The following TPO variants were observed in gnomAD, a reference collection of about 807,000 sequenced individuals.
TPO encodes thyroid microsomal antigen.
In TPO, 78 loss-of-function variants were observed where a neutral mutation model predicts 96.9. That is an observed-to-expected ratio of 0.81 (90% confidence interval 0.67 to 0.97). The LOEUF (loss-of-function observed/expected upper bound fraction) is 0.97. Ranked by LOEUF, TPO falls within the 50% of genes least tolerant of loss-of-function variation. The probability of loss-of-function intolerance (pLI) is 0.00; values close to 1 mark genes in which losing one functional copy is unlikely to be tolerated. For missense variants in TPO, 1,252 were observed against 1,274.8 expected (o/e 0.98, Z 0.27); for synonymous variants, 547 against 538.0 (o/e 1.02, Z -0.23).
chr2:1,477,000 G>T (rs867267299), intron 7 of TPO, 86 bp from the exon 8 acceptor site: 4 of 1,487,096 alleles, frequency 2.7e-6, no homozygotes, highest in African/African-American at 1.4e-5. Flanking sequence ...GCGGCGCTGC[G>T]GGGTCGTCGC....
intron 15 of TPO, among the ~76,000 whole-genome samples, chr2:1,531,395 G>C (rs1181101456): frequency 0.083 from 1,372 of 16,528 alleles, 115 homozygotes; most frequent in African/African-American, 0.089. Flanking sequence ...TCCCAAAATT[G>C]CCCCCACTGT....
At position 1,540,597 on chromosome 2, in the gene TPO, A is replaced by ACGCACTGGCACTAAATC; in HGVS notation, c.2624_2640dup (p.Thr881AlafsTer20). 6.2e-7 allele frequency: 1 copy of ACGCACTGGCACTAAATC among 1,613,380 alleles called. No homozygotes were observed. Among genetic ancestry groups the ACGCACTGGCACTAAATC allele is most frequent in the Non-Finnish European group, 8.5e-7 (1 of 1,180,006 alleles). On this transcript the variant is annotated frameshift_variant, in exon 16 of 17. Transcript: ENST00000329066. LOFTEE classifies it high-confidence loss of function. ...ACTGGACACGTGTCTCCCACAGGAC[A>ACGCACTGGCACTAAATC]CGCACTGGCACTAAATCCACACTGC... is the stretch of plus-strand genomic sequence containing the variant.
Position 1,494,003 on chromosome 2 carries a change from T to C in TPO, c.1970T>C (p.Ile657Thr), listed in dbSNP as rs772340870. The C allele has an allele frequency of 8.7e-6, 14 of 1,613,994 alleles. No homozygotes were observed. The highest frequency in any genetic ancestry group is 6.7e-5 in the Admixed American group (4 of 60,006). ...ACAGGGCCCCTGTTTGCCTGTCTCA[T>C]TGGGAAGCAGATGAAGGCTCTGCGG... Reference protein sequence around the residue: ...ARTGPLFACLIGKQMKALRDG... With the variant: ...ARTGPLFACLTGKQMKALRDG... Residue 657 changes from isoleucine (I) to threonine (T), a missense_variant, in exon 11 of 17, where the codon ATT (isoleucine) becomes ACT (threonine). Transcript: ENST00000329066.
At position 1,470,753 on chromosome 2, in the gene TPO, C is replaced by G. The variant is rs116334802; in HGVS notation, c.820-6333C>G. 5.4e-3 allele frequency among the ~76,000 whole-genome samples: 817 copies of G among 152,244 alleles called. 14 individuals carry two copies. The highest frequency in any genetic ancestry group is 0.018 in the African/African-American group (754 of 41,546). On this transcript the variant is annotated intron_variant, in intron 7 of 16. Coordinates refer to ENST00000329066, the MANE Select transcript of TPO (RefSeq NM_001206744.2). Reference sequence around the variant, plus strand: ...CACATACTGTGTCTACTAGGAATTTCTGCTAGACAACTTCAGTTAGAAATT... The same window carrying G: ...CACATACTGTGTCTACTAGGAATTTGTGCTAGACAACTTCAGTTAGAAATT...
intron 5 of TPO, chr2:1,438,779 A>ATTTT (rs3036132): frequency 3.0e-6 from 2 of 667,970 alleles, no homozygotes; most frequent in African/African-American, 1.9e-5. Flanking sequence ...TTAACTGGAG[A>ATTTT]TTTTTTTTTT....
intron 1 of TPO, among the ~76,000 whole-genome samples, chr2:1,382,271 CAG>C (rs987123292): frequency 1.3e-5 from 2 of 152,164 alleles, no homozygotes; most frequent in African/African-American, 4.8e-5. Context: ...AATGACAACA[CAG>C]ATATTCCTGG....
intron 1 of TPO, among the ~76,000 whole-genome samples, chr2:1,387,072 A>G (rs1195295643): frequency 6.6e-6 from 1 of 152,216 alleles, no homozygotes; most frequent in Non-Finnish European, 1.5e-5. Context: ...AGTTTCTGCC[A>G]AGAGATCAGC....
upstream of TPO, among the ~76,000 whole-genome samples, chr2:1,411,162 C>T (rs557567795): frequency 3.3e-5 from 5 of 152,304 alleles, no homozygotes; most frequent in South Asian, 6.2e-4. Context: ...CCCCTCTCAA[C>T]ATTTCCAGTG....
chr2:1,516,554 A>G (rs1674732495), intron 14 of TPO, among the ~76,000 whole-genome samples: 2 of 152,208 alleles, frequency 1.3e-5, no homozygotes, highest in Non-Finnish European at 2.9e-5. Flanking sequence ...CTCCGAGGGC[A>G]CTGAGAGCCC....
intron 7 of TPO, among the ~76,000 whole-genome samples, chr2:1,469,848 C>A (rs776334594): frequency 6.6e-6 from 1 of 152,202 alleles, no homozygotes; most frequent in African/African-American, 2.4e-5. Context: ...CATCCGCTTT[C>A]TTCAGAGGGT....
chr2:1,411,733 C>T (rs1366727140), upstream of TPO, among the ~76,000 whole-genome samples: 1 of 152,210 alleles, frequency 6.6e-6, no homozygotes, highest in Non-Finnish European at 1.5e-5. Context: ...TCTGGAGGCT[C>T]ATGGCCACGG....
rs80247441 is a variant in TPO, at chr2:1,395,853, C to T, written n.180+21451C>T. Among the ~76,000 whole-genome samples, 1,009 of 152,272 alleles carry T rather than the reference C, an allele frequency of 6.6e-3. 11 individuals are homozygous for T. Among genetic ancestry groups the T allele is most frequent in the African/African-American group, 0.022 (930 of 41,548 alleles). Reference sequence around the variant, plus strand: ...CCCCTGCACACATTCTCTTGCCTGCCGCCATGTAAGAGGTGCCTTTGCCTC... The same window carrying T: ...CCCCTGCACACATTCTCTTGCCTGCTGCCATGTAAGAGGTGCCTTTGCCTC... On this transcript the variant is annotated intron_variant and non_coding_transcript_variant, in intron 1 of 5. Transcript: ENST00000497517.
chr2:1,491,243 G>A (rs936436013), intron 10 of TPO, among the ~76,000 whole-genome samples: 1 of 152,086 alleles, frequency 6.6e-6, no homozygotes, highest in Non-Finnish European at 1.5e-5. Context: ...GACATCTAAA[G>A]TGATGTTCTT....
chr2:1,486,556 T>A (rs541072874), intron 9 of TPO, among the ~76,000 whole-genome samples: 77 of 151,976 alleles, frequency 5.1e-4, no homozygotes, highest in African/African-American at 1.6e-3. Flanking sequence ...TAAAATAAAA[T>A]AAAAATAAAA....
In TPO at chr2:1,477,222, G is replaced by T. The variant is rs61734469; in HGVS notation, c.956G>T (p.Gly319Val). ...GCCAACCCGCGGCAGCAGATGAACGGGTTGACCTCGTTCCTGGACGCGTCC... is the reference window on the plus strand; with the variant it reads ...GCCAACCCGCGGCAGCAGATGAACGTGTTGACCTCGTTCCTGGACGCGTCC... ...STANPRQQMNGLTSFLDASTV... is the reference protein window; with the variant it reads ...STANPRQQMNVLTSFLDASTV... Residue 319 changes from glycine (G) to valine (V), a missense_variant, in exon 8 of 17, where the codon GGG becomes GTG. Gly to Val is a moderately radical substitution (Grantham distance 109). Coordinates refer to ENST00000329066, the MANE Select transcript of TPO (RefSeq NM_001206744.2). 6 of 1,609,588 alleles carry T rather than the reference G, an allele frequency of 3.7e-6. No homozygotes were observed. In the African/African-American group the frequency reaches 4.0e-5, roughly 11 times the overall value.
At chr2:1,524,945 G>C (rs1473177970) in intron 15 of TPO, among the ~76,000 whole-genome samples, 122 of 30,832 alleles carry the variant, frequency 4.0e-3, no homozygotes, top group African/African-American at 9.8e-3. Flanking sequence ...CTCAAATCCC[G>C]ACTCTGTGCA....
chr2:1,417,016 T>A (rs1286131429), intron 2 of TPO, among the ~76,000 whole-genome samples: 2 of 152,202 alleles, frequency 1.3e-5, no homozygotes, highest in Non-Finnish European at 2.9e-5. Context: ...ACCCATTTTA[T>A]AGATCAAAAC....
chr2:1,486,831 G>A (rs1167401410), intron 9 of TPO, among the ~76,000 whole-genome samples: 1 of 152,170 alleles, frequency 6.6e-6, no homozygotes, highest in Admixed American at 6.5e-5. Flanking sequence ...GCTGCAGTGC[G>A]TCCGGCGATA....
chr2:1,423,261 C>T, intron 3 of TPO, 132 bp downstream of exon 3: 1 of 797,350 alleles, frequency 1.3e-6, no homozygotes, highest in African/African-American at 1.7e-5. Flanking sequence ...AATTTACTTC[C>T]CCAGTGTCAT....
Sources: gnomAD v4.1 joint callset for allele counts (sites outside exome capture counted in the v4.1 genomes callset) on GRCh38, gnomAD v4.1.1 for gene constraint, MANE v1.5 for transcripts, NCBI Gene and HGNC (gene_info 2026-07-23, HGNC 2026-07-21) for gene names.